Variants in TMC1 observed in about 807,000 individuals in gnomAD.
TMC1 encodes transmembrane channel like 1, also known as transmembrane channel-like protein 1.
In TMC1, 84 loss-of-function variants were observed where a neutral mutation model predicts 105.8. The observed-to-expected ratio is 0.79, with a 90% confidence interval of 0.67 to 0.95. The LOEUF (loss-of-function observed/expected upper bound fraction) is 0.95, where lower values mean the gene tolerates loss of function less well. TMC1 is among the 40% of genes least tolerant of loss of function. The probability of loss-of-function intolerance (pLI) is 0.00; values close to 1 mark genes in which losing one functional copy is unlikely to be tolerated. For synonymous variants in TMC1, 315 were observed against 311.5 expected (o/e 1.01, Z -0.12); for missense variants, 817 against 914.1 (o/e 0.89, Z 1.37).
Position 72,577,999 on chromosome 9 carries a change from G to T in TMC1, c.-330G>T, listed in dbSNP as rs1824413082. ...AGGTTCAAGTGATTCTCCTGCCTCG[G>T]CCTCCTGAGTAGCTGGGATTTCAGG... On this transcript the variant is annotated 5_prime_UTR_variant, in exon 2 of 24. Transcript: ENST00000297784. The T allele has an allele frequency of 6.6e-6, 1 of 152,078 alleles. No homozygotes were observed. Among genetic ancestry groups the T allele is most frequent in the African/African-American group, 2.4e-5 (1 of 41,372 alleles). 9.4% of individuals were successfully genotyped at this position (152,078 alleles called of 1,614,324 possible).
chr9:72,611,960 C>G (rs1286292538), intron 2 of TMC1, among the ~76,000 whole-genome samples: 3 of 152,118 alleles, frequency 2.0e-5, no homozygotes, highest in Admixed American at 6.5e-5. Context: ...CCATGCTGCT[C>G]TATGACCCGG....
intron 6 of TMC1, among the ~76,000 whole-genome samples, chr9:72,693,383 TTGAAA>T (rs1380594647): frequency 6.6e-6 from 1 of 152,182 alleles, no homozygotes; most frequent in Admixed American, 6.5e-5. Flanking sequence ...ATAATAAATA[TTGAAA>T]TGATTGTACA....
chr9:72,817,170 A>G (rs1349154911), intron 19 of TMC1: 2 of 152,182 alleles, frequency 1.3e-5, no homozygotes, highest in East Asian at 3.9e-4. Context: ...TCTGTCACAC[A>G]AAGACAACTC....
intron 5 of TMC1, among the ~76,000 whole-genome samples, chr9:72,665,766 C>G (rs1826033476): frequency 6.6e-6 from 1 of 152,180 alleles, no homozygotes; most frequent in Non-Finnish European, 1.5e-5. Context: ...TTCTGCTTAG[C>G]TTTTTGTTGC....
intron 8 of TMC1, among the ~76,000 whole-genome samples, chr9:72,730,641 G>A (rs1216581748): frequency 6.6e-6 from 1 of 152,122 alleles, no homozygotes; most frequent in East Asian, 1.9e-4. Flanking sequence ...GCTGGGTGAG[G>A]AGATGGTTTC....
intron 5 of TMC1, among the ~76,000 whole-genome samples, chr9:72,683,748 T>TATATATATATAC: frequency 9.7e-6 from 1 of 102,750 alleles, no homozygotes; most frequent in Admixed American, 9.1e-5. Context: ...TATATATATA[T>TATATATATATAC]ATATATATAT....
At chr9:72,609,966 T>G (rs1490992286) in intron 2 of TMC1, among the ~76,000 whole-genome samples, 1 of 152,128 alleles carries the variant, frequency 6.6e-6, no homozygotes, top group Non-Finnish European at 1.5e-5. Flanking sequence ...GTCTTGTACA[T>G]TTCTATTAAA....
At chr9:72,819,388 A>T (rs957261910) in intron 19 of TMC1, among the ~76,000 whole-genome samples, 37 of 152,208 alleles carry the variant, frequency 2.4e-4, no homozygotes, top group Non-Finnish European at 5.1e-4. Flanking sequence ...GTGCTTTGCA[A>T]TTCTAACCCA....
intron 8 of TMC1, among the ~76,000 whole-genome samples, chr9:72,731,785 T>C (rs1564519320): frequency 6.6e-6 from 1 of 152,160 alleles, no homozygotes; most frequent in Non-Finnish European, 1.5e-5. Context: ...CATTTTTGCT[T>C]ATATCATTCC....
intron 5 of TMC1, among the ~76,000 whole-genome samples, chr9:72,683,928 T>C (rs944227139): frequency 6.6e-6 from 1 of 151,518 alleles, no homozygotes; most frequent in Non-Finnish European, 1.5e-5. Flanking sequence ...TCATTCTTTT[T>C]CTTTCTTTTC....
intron 7 of TMC1, among the ~76,000 whole-genome samples, chr9:72,697,572 A>C (rs563738013): frequency 6.6e-6 from 1 of 152,292 alleles, no homozygotes; most frequent in Non-Finnish European, 1.5e-5. Context: ...CTATTTAATT[A>C]GTATTAGAAT....
At chr9:72,704,854 G>A (rs949497654) in intron 8 of TMC1, among the ~76,000 whole-genome samples, 1 of 152,104 alleles carries the variant, frequency 6.6e-6, no homozygotes, top group African/African-American at 2.4e-5. Context: ...CAGAATGAAA[G>A]CTGCTGTTTT....
At chr9:72,835,760 A>G (rs1487709336) in intron 23 of TMC1, among the ~76,000 whole-genome samples, 191 bp from the exon 24 acceptor site, 1 of 149,882 alleles carries the variant, frequency 6.7e-6, no homozygotes, top group South Asian at 2.1e-4. Flanking sequence ...ACTAAGAAAC[A>G]TGGAAATATT....
chr9:72,546,568 C>G (rs1823772371), intron 1 of TMC1, among the ~76,000 whole-genome samples: 1 of 152,154 alleles, frequency 6.6e-6, no homozygotes, highest in South Asian at 2.1e-4. Flanking sequence ...ATGGCCATTT[C>G]CTTATACTTG....
chr9:72,781,397 T>C (rs918127072), intron 13 of TMC1, among the ~76,000 whole-genome samples: 8 of 151,820 alleles, frequency 5.3e-5, no homozygotes, highest in African/African-American at 1.9e-4. Context: ...TAACATCACA[T>C]GTAGAGAAAC....
Position 72,562,854 on chromosome 9 carries a change from C to T in TMC1, c.-427-15048C>T, listed in dbSNP as rs543745371. 1.2e-4 allele frequency among the ~76,000 whole-genome samples: 19 copies of T among 152,142 alleles called. No homozygotes were observed. In the East Asian group the frequency reaches 1.4e-3, roughly 11 times the overall value. On this transcript the variant is annotated intron_variant, in intron 1 of 23. Transcript: ENST00000297784. Reference sequence around the variant, plus strand: ...TAAATTAGCTGGGTGTGGCGGCAGACGCCTGTAACCCCAGCTACTTGGGAG... The same window carrying T: ...TAAATTAGCTGGGTGTGGCGGCAGATGCCTGTAACCCCAGCTACTTGGGAG...
At chr9:72,693,963 T>C (rs1826509568) in intron 6 of TMC1, among the ~76,000 whole-genome samples, 1 of 152,136 alleles carries the variant, frequency 6.6e-6, no homozygotes, top group South Asian at 2.1e-4. Flanking sequence ...CTACTTTTTT[T>C]TTTAAAGAAA....
At chr9:72,727,346 A>G (rs1362304162) in intron 8 of TMC1, among the ~76,000 whole-genome samples, 2 of 152,212 alleles carry the variant, frequency 1.3e-5, no homozygotes, top group Non-Finnish European at 2.9e-5. Context: ...AAAGGAATTC[A>G]TATATTTCCT....
chr9:72,548,495 A>G (rs1587950362), intron 1 of TMC1, among the ~76,000 whole-genome samples: 1 of 151,894 alleles, frequency 6.6e-6, no homozygotes, highest in Non-Finnish European at 1.5e-5. Context: ...AACTGCTTCA[A>G]TGAACCCGGG....
Sources: gnomAD v4.1 joint callset for allele counts (sites outside exome capture counted in the v4.1 genomes callset) on GRCh38, gnomAD v4.1.1 for gene constraint, MANE v1.5 for transcripts, NCBI Gene and HGNC (gene_info 2026-07-23, HGNC 2026-07-21) for gene names.